The following AP3B1 variants were observed in gnomAD, a reference collection of about 807,000 sequenced individuals.
The protein encoded by AP3B1 is AP-3 complex subunit beta-1.
A neutral mutation model predicts 132.5 loss-of-function variants in AP3B1; 61 were observed. The observed-to-expected ratio is 0.46, with a 90% confidence interval of 0.37 to 0.57. AP3B1 has a LOEUF of 0.57. AP3B1 is among the 20% of genes least tolerant of loss of function. AP3B1 has a pLI of 0.00. For synonymous variants in AP3B1, 388 were observed against 438.3 expected (o/e 0.89, Z 1.43); for missense variants, 1,120 against 1,289.4 (o/e 0.87, Z 2.01).
intron 1 of AP3B1, among the ~76,000 whole-genome samples, chr5:78,281,434 C>CAAAAAAAAAAAAAAAAAAA (rs36002317): frequency 4.4e-5 from 3 of 68,254 alleles, no homozygotes; most frequent in Non-Finnish European, 5.5e-5. Flanking sequence ...AACTCTGCCT[C>CAAAAAAAAAAAAAAAAAAA]AAAAAAAAAA....
rs188040418 is a variant in AP3B1 at position 78,120,119 on chromosome 5, A to C, written c.1969-3885T>G. Reference sequence around the variant, plus strand: ...TTCCTAAGTGAAGGAGAAATAAAATACTTTACAGACAAGCAAATGCTGAGA... The same window carrying C: ...TTCCTAAGTGAAGGAGAAATAAAATCCTTTACAGACAAGCAAATGCTGAGA... On this transcript the variant is annotated intron_variant, in intron 17 of 26. Transcript: ENST00000255194. Among the ~76,000 whole-genome samples the C allele has an allele frequency of 2.1e-3, 320 of 152,282 alleles. 9 individuals carry two copies. The highest frequency in any genetic ancestry group is 0.017 in the Admixed American group (264 of 15,298).
chr5:78,090,831 A>G (rs909913098), intron 21 of AP3B1, among the ~76,000 whole-genome samples: 1 of 152,108 alleles, frequency 6.6e-6, no homozygotes, highest in Non-Finnish European at 1.5e-5. Flanking sequence ...TTATTTTTGG[A>G]GATAGGGTCT....
At chr5:78,049,070 T>C (rs1256597682) in intron 22 of AP3B1, among the ~76,000 whole-genome samples, 2 of 152,210 alleles carry the variant, frequency 1.3e-5, no homozygotes, top group Non-Finnish European at 2.9e-5. Context: ...CAACTAATAA[T>C]TTGTTTTGCA....
At chr5:78,168,366 G>A (rs2112384794) in intron 11 of AP3B1, among the ~76,000 whole-genome samples, 1 of 151,778 alleles carries the variant, frequency 6.6e-6, no homozygotes, top group African/African-American at 2.4e-5. Flanking sequence ...TGGGACTACA[G>A]GTGCATACCA....
At chr5:78,053,024 T>C (rs1051090090) in intron 22 of AP3B1, among the ~76,000 whole-genome samples, 1 of 152,218 alleles carries the variant, frequency 6.6e-6, no homozygotes, top group South Asian at 2.1e-4. Flanking sequence ...CCAGAGCATT[T>C]TACAGAAGCC....
At chr5:78,061,854 C>G (rs1033557055) in intron 22 of AP3B1, among the ~76,000 whole-genome samples, 1 of 152,052 alleles carries the variant, frequency 6.6e-6, no homozygotes, top group African/African-American at 2.4e-5. Context: ...TTCTTCTTTC[C>G]AAACAAGTGA....
intron 2 of AP3B1, among the ~76,000 whole-genome samples, chr5:78,244,220 CCT>C (rs1747274550): frequency 6.6e-6 from 1 of 152,064 alleles, no homozygotes; most frequent in South Asian, 2.1e-4. Flanking sequence ...ATGCTGAAAC[CCT>C]GTCTCTACTA....
intron 2 of AP3B1, among the ~76,000 whole-genome samples, chr5:78,264,971 TG>T (rs1176436804): frequency 6.6e-6 from 1 of 152,260 alleles, no homozygotes; most frequent in African/African-American, 2.4e-5. Context: ...CTTTAAACTA[TG>T]GCTCTTACAT....
At position 78,116,176 on chromosome 5, in the gene AP3B1, T is replaced by C. The variant is rs759438615; in HGVS notation, c.2027A>G (p.Tyr676Cys). 17 of 1,613,918 alleles carry C rather than the reference T, an allele frequency of 1.1e-5. 1 individual carries two copies. The South Asian group carries it at 1.9e-4, about 18-fold the overall frequency. Residue 676 changes from tyrosine to cysteine, a missense_variant, in exon 18 of 27, where the codon TAT (tyrosine) becomes TGT (cysteine). Coordinates refer to ENST00000255194, the MANE Select transcript of AP3B1 (RefSeq NM_003664.5). ...GTCCTCCTCTTCCTCAGATTCAGAA[T>C]AAAACTTCTTAGCAGAATTCTCTTG... ...AKQENSAKKFYSESEEEEDSS... is the reference protein window; with the variant it reads ...AKQENSAKKFCSESEEEEDSS...
rs749908617 is a variant in AP3B1 at position 78,128,118 on chromosome 5, T to C, written c.1880A>G (p.Asn627Ser). ...TTCCAGGTACCCAGTAGCTTTAATG[T>C]TGAGAGTATGAGATAAGGTGCCAAG... ...FQLGTLSHTL[N>S]IKATGYLELS... Residue 627 changes from asparagine to serine, a missense_variant, in exon 17 of 27, where the codon AAC becomes AGC. Around this residue, in one of 3 missense-constraint regions of AP3B1, gnomAD observed 906 missense variants for 997.1 expected, o/e 0.91. Coordinates refer to ENST00000255194, the MANE Select transcript of AP3B1 (RefSeq NM_003664.5). The C allele has an allele frequency of 1.9e-6, 3 of 1,612,584 alleles. No individual in the cohort carries two copies. Among genetic ancestry groups the C allele is most frequent in the Admixed American group, 1.7e-5 (1 of 59,950 alleles).
chr5:78,080,623 ATTTTTTTTTTTTTT>A (rs66609184), intron 22 of AP3B1, among the ~76,000 whole-genome samples: 1 of 103,548 alleles, frequency 9.7e-6, no homozygotes, highest in Non-Finnish European at 1.9e-5. Context: ...TATGCCTCCA[ATTTTTTTTTTTTTT>A]TTTTTTTTTT....
At chr5:78,278,945 C>G (rs908256962) in intron 1 of AP3B1, among the ~76,000 whole-genome samples, 16 of 152,118 alleles carry the variant, frequency 1.1e-4, no homozygotes, top group African/African-American at 3.9e-4. Context: ...CCCCCACCCC[C>G]TTCCATGGAA....
chr5:78,217,219 A>G (rs962957339), intron 6 of AP3B1, among the ~76,000 whole-genome samples: 7 of 152,194 alleles, frequency 4.6e-5, no homozygotes, highest in African/African-American at 1.7e-4. Flanking sequence ...ATACAATGAT[A>G]TTCATATTTT....
chr5:78,004,649 TAA>T (rs1159629421), intron 26 of AP3B1, among the ~76,000 whole-genome samples: 4 of 152,214 alleles, frequency 2.6e-5, no homozygotes, highest in African/African-American at 7.2e-5. Flanking sequence ...TCAAATATTA[TAA>T]ACACTTTGAA....
rs1180499641 is a variant in AP3B1, at chr5:78,097,656, G to C, written c.2470+3297C>G. Among the ~76,000 whole-genome samples the C allele has an allele frequency of 5.1e-5, 7 of 138,076 alleles. No homozygotes were observed. In the South Asian group the frequency reaches 1.7e-3, roughly 33 times the overall value. The allele number at this position is 138,076 out of a possible 152,430, so 90.6% of individuals were successfully genotyped here. A position where few individuals can be genotyped will look rare whatever the true frequency, so the allele number is the denominator to read the frequency against. Reference sequence around the variant, plus strand: ...AGCCGCCCCGTCCGGGAGGGAGGTGGGGGGGTCAGCCCCCCGCCCGGCCAG... The same window carrying C: ...AGCCGCCCCGTCCGGGAGGGAGGTGCGGGGGTCAGCCCCCCGCCCGGCCAG... On this transcript the variant is annotated intron_variant, in intron 21 of 26. Transcript: ENST00000255194.
At chr5:78,121,177 G>A (rs564735246) in intron 17 of AP3B1, among the ~76,000 whole-genome samples, 3 of 151,984 alleles carry the variant, frequency 2.0e-5, no homozygotes, top group African/African-American at 4.8e-5. Flanking sequence ...CAGAATCTCT[G>A]GGACACATTC....
intron 1 of AP3B1, among the ~76,000 whole-genome samples, chr5:78,282,464 G>A (rs1236966139): frequency 3.3e-5 from 5 of 151,730 alleles, no homozygotes; most frequent in African/African-American, 1.2e-4. Context: ...TCACACAGAA[G>A]AATCAGGGCT....
intron 1 of AP3B1, among the ~76,000 whole-genome samples, chr5:78,272,577 C>A (rs1054550639): frequency 1.3e-5 from 2 of 151,992 alleles, no homozygotes; most frequent in South Asian, 2.1e-4. Flanking sequence ...GGATTTCATT[C>A]TATTAAGTAA....
chr5:78,083,753 T>C (rs1411580659), intron 22 of AP3B1, among the ~76,000 whole-genome samples: 2 of 152,202 alleles, frequency 1.3e-5, no homozygotes, highest in African/African-American at 4.8e-5. Flanking sequence ...ATAATGATAA[T>C]AATGTTTGTC....
Sources: allele counts gnomAD v4.1 joint callset (sites outside exome capture counted in the v4.1 genomes callset), GRCh38; gene constraint gnomAD v4.1.1; regional missense constraint gnomAD v4.1.1; transcripts MANE v1.5; gene names NCBI Gene and HGNC (gene_info 2026-07-23, HGNC 2026-07-21).